SLC35F4: variants seen among roughly 807,000 people sequenced by gnomAD.
The protein encoded by SLC35F4 is chromosome 14 open reading frame 36.
A neutral mutation model predicts 44.2 loss-of-function variants in SLC35F4; 24 were observed. That is an observed-to-expected ratio of 0.54 (90% CI 0.39 to 0.76). The LOEUF is 0.76. SLC35F4 is among the 30% of genes least tolerant of loss of function. The pLI is 0.00. For missense variants in SLC35F4, 562 were observed against 586.1 expected, an observed-to-expected ratio of 0.96 and a Z score of 0.42; for synonymous variants, 238 against 223.6, an observed-to-expected ratio of 1.06 and a Z score of -0.57.
intron 1 of SLC35F4, among the ~76,000 whole-genome samples, chr14:57,743,002 T>C (rs2076655049): frequency 6.6e-6 from 1 of 152,142 alleles, no homozygotes; most frequent in African/African-American, 2.4e-5. Context: ...AAGGCAGAAA[T>C]AAAGATGTTC....
At chr14:57,823,883 C>T (rs561331942) in intron 1 of SLC35F4, among the ~76,000 whole-genome samples, 1 of 151,938 alleles carries the variant, frequency 6.6e-6, no homozygotes, top group African/African-American at 2.4e-5. Context: ...ATAATCTCAC[C>T]TTTCAGATGA....
intron 1 of SLC35F4, among the ~76,000 whole-genome samples, chr14:57,793,296 A>G (rs1161822502): frequency 2.0e-5 from 3 of 151,702 alleles, no homozygotes; most frequent in East Asian, 3.9e-4. Context: ...GTTTTTGGTT[A>G]CATGGATGAA....
At chr14:57,655,403 A>T (rs1441934332) in intron 1 of SLC35F4, among the ~76,000 whole-genome samples, 1 of 152,048 alleles carries the variant, frequency 6.6e-6, no homozygotes, top group African/African-American at 2.4e-5. Flanking sequence ...ACAAGACATC[A>T]GGATGTTTAT....
chr14:57,893,376 G>C (rs1159213069), intron 1 of SLC35F4, among the ~76,000 whole-genome samples: 1 of 152,050 alleles, frequency 6.6e-6, no homozygotes, highest in Non-Finnish European at 1.5e-5. Context: ...ATTGTTCTTT[G>C]AGGTATATTT....
rs150573276 is a variant in SLC35F4 at position 57,852,420 on chromosome 14, G to A, written c.103+13303C>T. Among the ~76,000 whole-genome samples, 11 of 152,260 alleles carry A rather than the reference G, an allele frequency of 7.2e-5. 1 individual carries two copies. Among genetic ancestry groups the A allele is most frequent in the East Asian group, 5.8e-4 (3 of 5,182 alleles). On this transcript the variant is annotated intron_variant, in intron 1 of 7. Coordinates refer to ENST00000556826, the MANE Select transcript of SLC35F4 (RefSeq NM_001306087.2). ...GACCTTGTAAGATCTTATAAGCTGC[G>A]TTCAGAGTTTTATAGTTTTCCAAAG... is the stretch of plus-strand genomic sequence containing the variant.
At chr14:57,564,428 G>A (rs544171197) in intron 7 of SLC35F4, 52 bp from the exon 8 acceptor site, 1 of 1,553,524 alleles carries the variant, frequency 6.4e-7, no homozygotes, top group African/African-American at 1.4e-5. Context: ...TCTAAGCTTT[G>A]AAAACAAGTC....
chr14:57,969,408 T>G (rs975887856), intron 1 of SLC35F4, among the ~76,000 whole-genome samples: 1 of 152,240 alleles, frequency 6.6e-6, no homozygotes, highest in African/African-American at 2.4e-5. Flanking sequence ...TATCCTTTAA[T>G]TGAACATTTT....
At chr14:57,641,605 C>T (rs75506107) in intron 1 of SLC35F4, among the ~76,000 whole-genome samples, 4,063 of 151,992 alleles carry the variant, frequency 0.027, 83 homozygotes, top group South Asian at 0.075. Context: ...AGTGATTCTA[C>T]TAGAAAATGA....
intron 1 of SLC35F4, among the ~76,000 whole-genome samples, chr14:57,747,907 T>C (rs889696072): frequency 1.3e-5 from 2 of 152,214 alleles, no homozygotes; most frequent in Non-Finnish European, 2.9e-5. Flanking sequence ...TAGAAAAGAA[T>C]GTCTTGCCTA....
At chr14:57,789,167 G>A (rs558405298) in intron 1 of SLC35F4, among the ~76,000 whole-genome samples, 14 of 152,120 alleles carry the variant, frequency 9.2e-5, no homozygotes, top group African/African-American at 3.1e-4. Context: ...AACTGAAGGA[G>A]ATAGAGACAC....
At chr14:57,746,333 C>G (rs2076753512) in intron 1 of SLC35F4, among the ~76,000 whole-genome samples, 2 of 152,024 alleles carry the variant, frequency 1.3e-5, no homozygotes, top group Non-Finnish European at 2.9e-5. Context: ...AAGTCCCCTT[C>G]TGTTTCTATT....
chr14:57,813,312 G>C (rs558843305), intron 1 of SLC35F4, among the ~76,000 whole-genome samples: 1 of 152,160 alleles, frequency 6.6e-6, no homozygotes, highest in African/African-American at 2.4e-5. Context: ...TTTATAGGCC[G>C]GCTGTGGTGG....
At chr14:57,981,287 CTGA>C (rs1218805231) in intron 1 of SLC35F4, among the ~76,000 whole-genome samples, 1 of 152,180 alleles carries the variant, frequency 6.6e-6, no homozygotes, top group Non-Finnish European at 1.5e-5. Context: ...GTGGCAGAGA[CTGA>C]TAACATTGCT....
At chr14:57,864,837 C>G (rs1025686949) in intron 1 of SLC35F4, among the ~76,000 whole-genome samples, 4 of 152,234 alleles carry the variant, frequency 2.6e-5, no homozygotes, top group African/African-American at 9.6e-5. Flanking sequence ...GAAAAATGAG[C>G]TGCACTTCAG....
intron 1 of SLC35F4, among the ~76,000 whole-genome samples, chr14:57,963,702 A>C (rs1178007672): frequency 7.9e-6 from 1 of 127,150 alleles, no homozygotes; most frequent in African/African-American, 3.0e-5. Context: ...CAGAACATTC[A>C]TTCTAGCTCC....
intron 1 of SLC35F4, among the ~76,000 whole-genome samples, chr14:57,810,860 C>T (rs1290072861): frequency 6.6e-6 from 1 of 152,196 alleles, no homozygotes; most frequent in Non-Finnish European, 1.5e-5. Context: ...AGGTGTGGCC[C>T]CATCTTCATA....
At chr14:57,947,994 T>C (rs2141078177) in intron 1 of SLC35F4, among the ~76,000 whole-genome samples, 1 of 152,286 alleles carries the variant, frequency 6.6e-6, no homozygotes, top group Non-Finnish European at 1.5e-5. Flanking sequence ...TTTCTTTTTT[T>C]GTATATCCTT....
At chr14:57,674,879 C>T (rs542677338) in intron 1 of SLC35F4, among the ~76,000 whole-genome samples, 4 of 152,216 alleles carry the variant, frequency 2.6e-5, no homozygotes, top group Non-Finnish European at 5.9e-5. Flanking sequence ...AGTGAACCTG[C>T]ATCTTCTATA....
chr14:57,884,734 T>C (rs1196857869), intron 1 of SLC35F4, among the ~76,000 whole-genome samples: 1 of 152,196 alleles, frequency 6.6e-6, no homozygotes, highest in East Asian at 1.9e-4. Context: ...GTTGTTATTA[T>C]AGATGTTATT....
Sources: gnomAD v4.1 joint callset for allele counts (sites outside exome capture counted in the v4.1 genomes callset) on GRCh38, gnomAD v4.1.1 for gene constraint, MANE v1.5 for transcripts, NCBI Gene and HGNC (gene_info 2026-07-23, HGNC 2026-07-21) for gene names.